The following ALK variants were observed in gnomAD, a reference collection of about 807,000 sequenced individuals.
The protein encoded by ALK is ALK receptor tyrosine kinase.
In ALK, 74 loss-of-function variants were observed where a neutral mutation model predicts 163.1. The observed-to-expected ratio is 0.45, with a 90% CI of 0.38 to 0.55. ALK has a LOEUF of 0.55. Ranked by LOEUF, ALK falls within the 20% of genes least tolerant of loss-of-function variation. The pLI is 0.00. For missense variants in ALK, 2,063 were observed against 2,105.3 expected (o/e 0.98, Z 0.39); for synonymous variants, 960 against 843.2 (o/e 1.14, Z -2.40).
At chr2:29,770,868 C>A (rs1044699471) in intron 1 of ALK, among the ~76,000 whole-genome samples, 1 of 151,890 alleles carries the variant, frequency 6.6e-6, no homozygotes, top group African/African-American at 2.4e-5. Flanking sequence ...CACAGTCTCA[C>A]AGTCACACAC....
chr2:29,461,395 G>C (rs1384632481), intron 4 of ALK, among the ~76,000 whole-genome samples: 1 of 152,188 alleles, frequency 6.6e-6, no homozygotes, highest in African/African-American at 2.4e-5. Context: ...TTCATAGCTA[G>C]AGAAGTCAAT....
chr2:29,827,617 GA>G (rs1665238847), intron 1 of ALK, among the ~76,000 whole-genome samples: 1 of 152,206 alleles, frequency 6.6e-6, no homozygotes, highest in Non-Finnish European at 1.5e-5. Context: ...CTCCTACTAA[GA>G]AACTGATTCC....
intron 5 of ALK, among the ~76,000 whole-genome samples, chr2:29,337,793 T>C (rs1431623840): frequency 6.6e-6 from 1 of 152,218 alleles, no homozygotes; most frequent in Non-Finnish European, 1.5e-5. Flanking sequence ...TCGCCCCTAG[T>C]TTCCATGTCT....
At chr2:29,394,400 A>C (rs1669253514) in intron 4 of ALK, among the ~76,000 whole-genome samples, 1 of 152,034 alleles carries the variant, frequency 6.6e-6, no homozygotes, top group African/African-American at 2.4e-5. Flanking sequence ...GAGAATCCTG[A>C]ATTTCCTCTT....
intron 4 of ALK, among the ~76,000 whole-genome samples, chr2:29,387,829 A>G (rs963220133): frequency 1.3e-5 from 2 of 152,232 alleles, no homozygotes; most frequent in Non-Finnish European, 2.9e-5. Flanking sequence ...TCAAGGTCAC[A>G]CATTGAGTTA....
At position 29,452,068 on chromosome 2, in the gene ALK, T is replaced by C. The variant is rs115425388; in HGVS notation, c.1155-68209A>G. Among the ~76,000 whole-genome samples the C allele has an allele frequency of 8.5e-3, 1,291 of 152,214 alleles. 15 individuals carry two copies. Among genetic ancestry groups the C allele is most frequent in the African/African-American group, 0.028 (1,169 of 41,526 alleles). On this transcript the variant is annotated intron_variant, in intron 4 of 28. Coordinates refer to ENST00000389048, the MANE Select transcript of ALK (RefSeq NM_004304.5). The stretch of plus-strand genomic sequence containing the variant: ...GTGACTACCCTATTGGACAGCACAG[T>C]TGAGAATATATTTAACGAAGGAGGT...
At chr2:29,576,564 T>C (rs901386160) in intron 3 of ALK, among the ~76,000 whole-genome samples, 5 of 152,200 alleles carry the variant, frequency 3.3e-5, no homozygotes, top group Non-Finnish European at 5.9e-5. Context: ...CCCATGCTGA[T>C]TGCAGATGCC....
intron 1 of ALK, among the ~76,000 whole-genome samples, chr2:29,743,440 A>G (rs924873273): frequency 1.3e-5 from 2 of 152,214 alleles, no homozygotes; most frequent in Non-Finnish European, 2.9e-5. Context: ...ATTAAAGACT[A>G]AATGAAGGAA....
chr2:29,606,379 C>A (rs952137906), intron 3 of ALK, among the ~76,000 whole-genome samples: 5 of 152,138 alleles, frequency 3.3e-5, no homozygotes, highest in Admixed American at 3.3e-4. Context: ...AGGGCAGGGC[C>A]CCAGAAAAGA....
intron 1 of ALK, among the ~76,000 whole-genome samples, chr2:29,773,254 A>ACAT (rs1681077025): frequency 6.6e-6 from 1 of 151,672 alleles, no homozygotes; most frequent in African/African-American, 2.4e-5. Context: ...ACACACACAC[A>ACAT]TTTTTTTCTT....
chr2:29,448,121 C>T (rs1052716833), intron 4 of ALK, among the ~76,000 whole-genome samples: 1 of 152,104 alleles, frequency 6.6e-6, no homozygotes, highest in South Asian at 2.1e-4. Flanking sequence ...AAAGCTATAC[C>T]ATACTGACTT....
intron 1 of ALK, among the ~76,000 whole-genome samples, chr2:29,734,435 T>C (rs565613603): frequency 3.9e-4 from 59 of 152,234 alleles, no homozygotes; most frequent in Middle Eastern, 3.4e-3. Flanking sequence ...AAATAGATCA[T>C]TAATCAGATG....
At chr2:29,911,879 T>G (rs12478897) in intron 1 of ALK, among the ~76,000 whole-genome samples, 150,307 of 152,344 alleles carry the variant, frequency 0.99, 74,177 homozygotes, top group East Asian at 1. Flanking sequence ...CCATGTCCCA[T>G]AAGGTGAAAG....
At chr2:29,214,147 G>T in intron 23 of ALK, 66 bp from the exon 24 acceptor site, 7 of 1,409,984 alleles carry the variant, frequency 5.0e-6, no homozygotes, top group Middle Eastern at 2.0e-4. Context: ...AATCTGAAAT[G>T]CTGGCTTCCA....
chr2:29,393,653 C>T (rs1200521074), intron 4 of ALK, among the ~76,000 whole-genome samples: 1 of 152,224 alleles, frequency 6.6e-6, no homozygotes, highest in Non-Finnish European at 1.5e-5. Context: ...TAACGTAAAA[C>T]TTTAATTAAA....
chr2:29,540,592 T>TTA (rs1491553915), intron 3 of ALK, among the ~76,000 whole-genome samples: 26 of 143,022 alleles, frequency 1.8e-4, no homozygotes, highest in Admixed American at 1.8e-3. Flanking sequence ...TTTTTTTTTT[T>TTA]AAAAAAAAAA....
At chr2:29,530,217 CT>C (rs1188604469) in intron 4 of ALK, among the ~76,000 whole-genome samples, 1 of 152,108 alleles carries the variant, frequency 6.6e-6, no homozygotes, top group African/African-American at 2.4e-5. Context: ...CAGTTTTCTC[CT>C]CTTTTAAATG....
chr2:29,565,428 T>C (rs1674150760), intron 3 of ALK, among the ~76,000 whole-genome samples: 1 of 152,162 alleles, frequency 6.6e-6, no homozygotes, highest in African/African-American at 2.4e-5. Flanking sequence ...TCACAGTTAT[T>C]GAGGGGAGGC....
intron 1 of ALK, among the ~76,000 whole-genome samples, chr2:29,831,531 C>T (rs1329925478): frequency 6.6e-6 from 1 of 152,118 alleles, no homozygotes; most frequent in Non-Finnish European, 1.5e-5. Context: ...TGCTGTGTCC[C>T]CTCCTGACCT....
Sources: allele counts gnomAD v4.1 joint callset (sites outside exome capture counted in the v4.1 genomes callset), GRCh38; gene constraint gnomAD v4.1.1; transcripts MANE v1.5; gene names NCBI Gene and HGNC (gene_info 2026-07-23, HGNC 2026-07-21).